Variants in CYTH3 observed in about 807,000 individuals in gnomAD.
The protein encoded by CYTH3 is cytohesin-3.
Under a neutral mutation model 55.1 loss-of-function variants are expected in CYTH3, and 23 were observed. The ratio of observed to expected loss-of-function variants is 0.42; its 90% CI spans 0.30 to 0.59. CYTH3 has a LOEUF of 0.59. Ranked by LOEUF, CYTH3 falls within the 20% of genes least tolerant of loss-of-function variation. The probability of loss-of-function intolerance (pLI) is 0.20; values close to 1 mark genes in which losing one functional copy is unlikely to be tolerated. For synonymous variants in CYTH3, 249 were observed against 194.9 expected (o/e 1.28, Z -2.31); for missense variants, 413 against 524.8 (o/e 0.79, Z 2.08).
chr7:6,233,604 C>T (rs900060745), intron 1 of CYTH3, among the ~76,000 whole-genome samples: 3 of 148,784 alleles, frequency 2.0e-5, no homozygotes, highest in Non-Finnish European at 4.4e-5. Flanking sequence ...TGCAGTGAGC[C>T]GAGATCGCGC....
chr7:6,240,949 G>C (rs529386748), intron 1 of CYTH3, among the ~76,000 whole-genome samples: 1 of 150,484 alleles, frequency 6.6e-6, no homozygotes, highest in Non-Finnish European at 1.5e-5. Flanking sequence ...CCCCGTCTCT[G>C]CTGAAAAAAA....
chr7:6,201,574 CAGG>C (rs1397514777), intron 1 of CYTH3, among the ~76,000 whole-genome samples: 2 of 152,120 alleles, frequency 1.3e-5, no homozygotes, highest in East Asian at 3.9e-4. Flanking sequence ...GGATCCAGTA[CAGG>C]AGGTGTGAGC....
At chr7:6,222,786 C>T (rs1181486933) in intron 1 of CYTH3, among the ~76,000 whole-genome samples, 1 of 148,804 alleles carries the variant, frequency 6.7e-6, no homozygotes, top group Non-Finnish European at 1.5e-5. Flanking sequence ...AAAAAAAAAA[C>T]TGAACCAATT....
intron 1 of CYTH3, among the ~76,000 whole-genome samples, chr7:6,259,262 A>C (rs1048681959): frequency 1.3e-5 from 2 of 152,192 alleles, no homozygotes; most frequent in Non-Finnish European, 2.9e-5. Context: ...GCTTTGTTTT[A>C]CAGCAAATTG....
chr7:6,226,819 G>C (rs920976840), intron 1 of CYTH3, among the ~76,000 whole-genome samples: 1 of 152,180 alleles, frequency 6.6e-6, no homozygotes. Flanking sequence ...GGTGGCTCAT[G>C]CCTGTAATCC....
Position 6,215,011 on chromosome 7 carries a change from A to T in CYTH3, c.35-24480T>A, listed in dbSNP as rs935741787. 2.6e-5 allele frequency among the ~76,000 whole-genome samples: 4 copies of T among 152,304 alleles called. No homozygotes were observed. In the East Asian group the frequency reaches 7.7e-4, roughly 29 times the overall value. On this transcript the variant is annotated intron_variant, in intron 1 of 12. Transcript: ENST00000350796. ...CAAAAATTTAAACAGAACCCACCTT[A>T]CACAAAACTACAGAGTTATTTGTGT...
intron 1 of CYTH3, among the ~76,000 whole-genome samples, chr7:6,259,782 ATAATATAT>A (rs1780266200): frequency 1.3e-4 from 3 of 22,446 alleles, no homozygotes; most frequent in East Asian, 3.0e-3. Context: ...TTATATATAT[ATAATATAT>A]ATATATATAT....
Position 6,175,002 on chromosome 7 carries a change from A to G in CYTH3, c.369-1269T>C, listed in dbSNP as rs565503565. Among the ~76,000 whole-genome samples the G allele has an allele frequency of 3.9e-5, 6 of 152,342 alleles. No homozygotes were observed. The South Asian group carries it at 1.0e-3, about 26-fold the overall frequency. On this transcript the variant is annotated intron_variant, in intron 5 of 12. Coordinates refer to ENST00000350796, the MANE Select transcript of CYTH3 (RefSeq NM_004227.4). ...ACTCTTATTTGGAAGAGTTCTTTAT[A>G]TAATCTAGATAGAAGTCCTTAGGAG... is the stretch of plus-strand genomic sequence containing the variant.
chr7:6,202,532 C>T (rs1193475846), intron 1 of CYTH3, among the ~76,000 whole-genome samples: 1 of 148,646 alleles, frequency 6.7e-6, no homozygotes, highest in Non-Finnish European at 1.5e-5. Context: ...GTGCGAATCT[C>T]AGCTCACCGC....
chr7:6,167,587 G>T lies in CYTH3; in HGVS notation c.824-1777C>A, dbSNP rs538525675. Among the ~76,000 whole-genome samples the T allele has an allele frequency of 1.2e-4, 18 of 152,348 alleles. No homozygotes were observed. In the South Asian group the frequency reaches 3.7e-3, roughly 32 times the overall value. On this transcript the variant is annotated intron_variant, in intron 9 of 12. Coordinates refer to ENST00000350796, the MANE Select transcript of CYTH3 (RefSeq NM_004227.4). The surrounding 1 kb of genome is among the most constrained non-coding windows in gnomAD (Gnocchi z 5.5). ...AAAACGTGGCAATCATGCCCCTCCG[G>T]CTTGAAGCCCCCCAAAGGGTCCCAC...
intron 1 of CYTH3, among the ~76,000 whole-genome samples, chr7:6,231,706 A>G (rs1040507233): frequency 9.2e-5 from 14 of 152,262 alleles, no homozygotes; most frequent in African/African-American, 3.4e-4. Flanking sequence ...ATAGAAACAA[A>G]TAAAAACTTA....
intron 4 of CYTH3, among the ~76,000 whole-genome samples, chr7:6,184,691 G>A (rs1288441095): frequency 1.6e-4 from 24 of 152,006 alleles, no homozygotes; most frequent in Non-Finnish European, 2.6e-4. Flanking sequence ...CGATTCTCGC[G>A]CCTCAGCCTC....
chr7:6,259,817 T>TATATATATATATAATATATATATA (rs1780296596), intron 1 of CYTH3, among the ~76,000 whole-genome samples: 1 of 26,120 alleles, frequency 3.8e-5, no homozygotes, highest in Non-Finnish European at 5.4e-5. Flanking sequence ...ATATATAATA[T>TATATATATATATAATATATATATA]ATATATATAT....
intron 1 of CYTH3, among the ~76,000 whole-genome samples, chr7:6,230,314 C>G (rs1386520685): frequency 6.6e-6 from 1 of 152,156 alleles, no homozygotes; most frequent in African/African-American, 2.4e-5. Flanking sequence ...TGGAAACTTA[C>G]AAGGAGTATA....
chr7:6,238,051 A>C (rs1779572524), intron 1 of CYTH3, among the ~76,000 whole-genome samples: 2 of 152,358 alleles, frequency 1.3e-5, no homozygotes, highest in South Asian at 4.1e-4. Context: ...AATTTATAGA[A>C]GAAAATGCAT....
At chr7:6,172,851 G>C (rs748858948) in intron 6 of CYTH3, 2 of 1,274,648 alleles carry the variant, frequency 1.6e-6, no homozygotes, top group Non-Finnish European at 2.0e-6. Context: ...CCCAGGCTGC[G>C]CTGTGAGCAC....
chr7:6,194,537 CTTTGGAAAACAA>C (rs1223490885), intron 1 of CYTH3, among the ~76,000 whole-genome samples: 3 of 152,204 alleles, frequency 2.0e-5, no homozygotes. Flanking sequence ...ATCGAGAGAA[CTTTGGAAAACAA>C]TTTGTCTATT....
intron 1 of CYTH3, among the ~76,000 whole-genome samples, chr7:6,210,703 A>G (rs1327107808): frequency 6.6e-6 from 1 of 152,212 alleles, no homozygotes; most frequent in Non-Finnish European, 1.5e-5. Context: ...AAACCATTTC[A>G]TTAACTCTGA....
At chr7:6,219,621 T>A (rs936192369) in intron 1 of CYTH3, among the ~76,000 whole-genome samples, 1 of 152,170 alleles carries the variant, frequency 6.6e-6, no homozygotes, top group Admixed American at 6.5e-5. Context: ...AAGCCAGGAA[T>A]AGAAACAGAA....
Sources: allele counts gnomAD v4.1 joint callset (sites outside exome capture counted in the v4.1 genomes callset), GRCh38; gene constraint gnomAD v4.1.1; non-coding constraint Gnocchi (gnomAD v3.1); transcripts MANE v1.5; gene names NCBI Gene and HGNC (gene_info 2026-07-23, HGNC 2026-07-21).